The following MYH16 variants were observed in gnomAD, a reference collection of about 807,000 sequenced individuals.
MYH16 encodes the protein myosin heavy chain 16, also known as putative uncharacterized protein MYH16.
At chr7:99,289,574 T>C (rs901546711) in intron 30 of MYH16, among the ~76,000 whole-genome samples, 170 bp downstream of exon 11, 1 of 152,180 alleles carries the variant, frequency 6.6e-6, no homozygotes, top group Non-Finnish European at 1.5e-5. Flanking sequence ...ATCTTTACAA[T>C]GCAAAACAGG....
At chr7:99,276,837 GAGAA>G (rs1457011857) in intron 20 of MYH16, among the ~76,000 whole-genome samples, 3 of 152,040 alleles carry the variant, frequency 2.0e-5, no homozygotes, top group African/African-American at 7.2e-5. Context: ...GAAAAACAAA[GAGAA>G]AGACACAGAA....
chr7:99,291,628 C>T (rs536496191), intron 31 of MYH16, among the ~76,000 whole-genome samples, 178 bp downstream of exon 12: 1 of 116,958 alleles, frequency 8.6e-6, no homozygotes, highest in East Asian at 3.0e-4. Flanking sequence ...CCCCCCCCCA[C>T]CCCCCCCACC....
intron 2 of MYH16, among the ~76,000 whole-genome samples, chr7:99,247,227 C>T (rs764911812): frequency 9.2e-5 from 14 of 152,194 alleles, no homozygotes; most frequent in African/African-American, 1.7e-4. Context: ...GGCTGGAGTA[C>T]AGTGGCACGA....
At chr7:99,267,201 G>A (rs1271057370) in intron 18 of MYH16, among the ~76,000 whole-genome samples, 6 of 152,214 alleles carry the variant, frequency 3.9e-5, no homozygotes, top group Non-Finnish European at 8.8e-5. Context: ...TCAGCTCAGA[G>A]GGGAACTCAA....
exon 29 of MYH16, chr7:99,287,926 T>C: frequency 2.2e-6 from 1 of 456,312 alleles, no homozygotes; most frequent in South Asian, 1.5e-5. Context: ...GCTGAGCTGC[T>C]GAAGCTGCGG....
intron 28 of MYH16, among the ~76,000 whole-genome samples, chr7:99,286,727 AG>A (rs1407704558): frequency 6.6e-6 from 1 of 151,650 alleles, no homozygotes; most frequent in Non-Finnish European, 1.5e-5. Flanking sequence ...GGGAGGCAAA[AG>A]CAGAAGGATC....
intron 36 of MYH16, among the ~76,000 whole-genome samples, chr7:99,298,279 C>T (rs1314960719): frequency 3.3e-5 from 5 of 150,392 alleles, no homozygotes; most frequent in Admixed American, 2.7e-4. Context: ...GTTGCCTAGG[C>T]CACAGTATAG....
At chr7:99,269,527 C>T (rs556078193) in intron 18 of MYH16, among the ~76,000 whole-genome samples, 85 of 152,262 alleles carry the variant, frequency 5.6e-4, no homozygotes, top group Admixed American at 1.0e-3. Context: ...CCTCCCACCT[C>T]GGCCTCCCAA....
intron 3 of MYH16, among the ~76,000 whole-genome samples, chr7:99,248,226 C>A (rs1439093980): frequency 1.3e-5 from 2 of 152,154 alleles, no homozygotes; most frequent in African/African-American, 4.8e-5. Context: ...CTCAGCCTCC[C>A]AAGTAGCTGG....
chr7:99,262,847 G>A (rs941528275), intron 13 of MYH16, among the ~76,000 whole-genome samples: 1 of 152,200 alleles, frequency 6.6e-6, no homozygotes, highest in African/African-American at 2.4e-5. Flanking sequence ...CTAGCAAGGA[G>A]AGACCCTACA....
chr7:99,256,630 C>G (rs1048432900), intron 9 of MYH16, among the ~76,000 whole-genome samples: 1 of 152,142 alleles, frequency 6.6e-6, no homozygotes, highest in Non-Finnish European at 1.5e-5. Flanking sequence ...AAAAAATTAG[C>G]CAGGCATGGT....
Position 99,271,574 on chromosome 7 carries a change from C to A in MYH16, n.2403+481C>A, listed in dbSNP as rs571813189. 1.1e-4 allele frequency among the ~76,000 whole-genome samples: 16 copies of A among 152,298 alleles called. No homozygotes were observed. The East Asian group carries it at 3.1e-3, about 29-fold the overall frequency. The stretch of plus-strand genomic sequence containing the variant: ...ACCAAGTTCACACACTGGGTGGCTT[C>A]AAACAACAGGAATTTTTAAAAATTT... On this transcript the variant is annotated intron_variant and non_coding_transcript_variant, in intron 19 of 41. Coordinates refer to ENST00000439784, the Ensembl canonical transcript of MYH16.
intron 2 of MYH16, among the ~76,000 whole-genome samples, chr7:99,247,017 G>T (rs1476353047): frequency 6.6e-6 from 1 of 152,062 alleles, no homozygotes; most frequent in Non-Finnish European, 1.5e-5. Context: ...ACATATGATG[G>T]GTTTATCTAG....
intron 2 of MYH16, among the ~76,000 whole-genome samples, chr7:99,246,854 C>T (rs919193963): frequency 2.0e-5 from 3 of 152,084 alleles, no homozygotes; most frequent in Non-Finnish European, 4.4e-5. Flanking sequence ...CTATTCAAAT[C>T]CAGATGGACC....
intron 15 of MYH16, among the ~76,000 whole-genome samples, chr7:99,264,664 T>G (rs1472282945): frequency 6.6e-6 from 1 of 152,148 alleles, no homozygotes; most frequent in Non-Finnish European, 1.5e-5. Context: ...CAAAGGAAGA[T>G]GTCAACACTT....
chr7:99,272,443 A>G (rs902237843), intron 19 of MYH16, among the ~76,000 whole-genome samples: 1 of 152,170 alleles, frequency 6.6e-6, no homozygotes, highest in Admixed American at 6.5e-5. Flanking sequence ...GTAATTTTTA[A>G]AGGGCTGGGT....
intron 36 of MYH16, among the ~76,000 whole-genome samples, 196 bp downstream of exon 17, chr7:99,298,191 GT>G (rs1314929782): frequency 6.6e-6 from 1 of 150,504 alleles, no homozygotes; most frequent in East Asian, 1.9e-4. Flanking sequence ...TGAACACTTT[GT>G]TTTTTGGGTT....
chr7:99,271,421 A>C (rs1792044580), intron 19 of MYH16, among the ~76,000 whole-genome samples: 1 of 152,188 alleles, frequency 6.6e-6, no homozygotes. Context: ...AGGCAGGAGA[A>C]TCGCTTGAAT....
intron 22 of MYH16, among the ~76,000 whole-genome samples, chr7:99,280,104 C>G (rs1368636103): frequency 6.6e-6 from 1 of 152,196 alleles, no homozygotes; most frequent in Non-Finnish European, 1.5e-5. Context: ...AACGCCTCAC[C>G]TCAGGTGATC....
Sources: allele counts gnomAD v4.1 joint callset (sites outside exome capture counted in the v4.1 genomes callset), GRCh38; gene constraint gnomAD v4.1.1; transcripts MANE v1.5; gene names NCBI Gene and HGNC (gene_info 2026-07-23, HGNC 2026-07-21).